Variants in FRY observed in about 807,000 individuals in gnomAD.
The protein encoded by FRY is protein furry homolog.
FRY carries 128 observed loss-of-function variants against 348.4 expected under a neutral mutation model. That is an observed-to-expected ratio of 0.37 (90% confidence interval 0.32 to 0.43). The LOEUF (loss-of-function observed/expected upper bound fraction) is 0.43, where lower values mean the gene tolerates loss of function less well. Among genes scored for constraint, FRY ranks in the 20% least tolerant of loss-of-function variants. The pLI is 1.00. For missense variants in FRY, 2,736 were observed against 3,695.2 expected, an observed-to-expected ratio of 0.74 and a Z score of 6.73; for synonymous variants, 1,370 against 1,374.7, an observed-to-expected ratio of 1.00 and a Z score of 0.08.
Position 32,254,368 on chromosome 13 carries a change from C to T in FRY, c.7390C>T (p.Leu2464=), listed in dbSNP as rs1887231980. The change falls in exon 51 of 61, where the codon CTA becomes TTA. Residue 2464 remains leucine, a synonymous_variant. Transcript: ENST00000542859. ...TAGAGTCTTCAGAGACTTCGACTTCCTAGATGTGGAGCTGGAGGATGGAGA... is the reference window on the plus strand; with the variant it reads ...TAGAGTCTTCAGAGACTTCGACTTCTTAGATGTGGAGCTGGAGGATGGAGA... The part of the protein sequence containing the change: ...QFRVFRDFDF[L]DVELEDGEGE... 3 of 1,613,884 alleles carry T rather than the reference C, an allele frequency of 1.9e-6. No homozygotes were observed. The highest frequency in any genetic ancestry group is 2.5e-6 in the Non-Finnish European group (3 of 1,179,938).
intron 1 of FRY, among the ~76,000 whole-genome samples, chr13:32,043,484 A>G (rs1176378194): frequency 1.3e-5 from 2 of 152,226 alleles, no homozygotes; most frequent in Non-Finnish European, 2.9e-5. Flanking sequence ...TTACCATGAC[A>G]CTGTTTTACA....
chr13:32,067,624 T>C (rs1874347077), intron 1 of FRY, among the ~76,000 whole-genome samples: 1 of 152,164 alleles, frequency 6.6e-6, no homozygotes, highest in Non-Finnish European at 1.5e-5. Context: ...ACAAATGATG[T>C]TTTCATACAT....
chr13:32,261,938 G>A (rs2138544971), intron 52 of FRY, 122 bp downstream of exon 52: 1 of 885,702 alleles, frequency 1.1e-6, no homozygotes, highest in Non-Finnish European at 1.8e-6. Context: ...AATCGGAACT[G>A]TCAGGTGGTG....
At chr13:32,262,556 T>C (rs1887712389) in intron 53 of FRY, 81 bp downstream of exon 53, 1 of 1,058,616 alleles carries the variant, frequency 9.4e-7, no homozygotes, top group Non-Finnish European at 1.5e-6. Context: ...TGAGAATTCT[T>C]AAGGGGTCTC....
chr13:32,283,479 G>C (rs1277433835), intron 58 of FRY, among the ~76,000 whole-genome samples: 1 of 152,160 alleles, frequency 6.6e-6, no homozygotes, highest in African/African-American at 2.4e-5. Context: ...TTTCCAAAAA[G>C]AAAACGGGAA....
chr13:32,245,354 C>T (rs1005795145), intron 47 of FRY, among the ~76,000 whole-genome samples: 3 of 151,874 alleles, frequency 2.0e-5, no homozygotes, highest in African/African-American at 7.3e-5. Flanking sequence ...CCTGTAATCC[C>T]AGCACTTTGG....
chr13:32,116,583 GTTTTATA>G (rs1282789459), intron 3 of FRY, among the ~76,000 whole-genome samples: 4 of 152,080 alleles, frequency 2.6e-5, no homozygotes. Context: ...TTTTCTTGGA[GTTTTATA>G]TTTTTAGGTT....
At chr13:32,258,050 T>G in intron 51 of FRY, 1 of 1,111,508 alleles carries the variant, frequency 9.0e-7, no homozygotes, top group South Asian at 1.2e-5. Flanking sequence ...ACATAATTGC[T>G]TTTTTCCTCC....
At chr13:32,090,228 G>A (rs888787174) in intron 2 of FRY, among the ~76,000 whole-genome samples, 1 of 151,410 alleles carries the variant, frequency 6.6e-6, no homozygotes, top group Admixed American at 6.6e-5. Flanking sequence ...GGCGCCTGTA[G>A]TCCCAGCTAC....
intron 7 of FRY, 146 bp from the exon 8 acceptor site, chr13:32,131,526 C>T: frequency 1.5e-6 from 1 of 659,184 alleles, no homozygotes. Context: ...TCCCAAACAC[C>T]AAATCCTTAC....
chr13:32,032,725 G>C (rs1872306065), intron 1 of FRY, among the ~76,000 whole-genome samples: 1 of 152,162 alleles, frequency 6.6e-6, no homozygotes, highest in African/African-American at 2.4e-5. Flanking sequence ...TGTTTAAAAA[G>C]AAAGTCTTCT....
intron 19 of FRY, among the ~76,000 whole-genome samples, chr13:32,174,891 C>A (rs986730223): frequency 2.0e-5 from 3 of 151,828 alleles, no homozygotes; most frequent in Admixed American, 6.6e-5. Flanking sequence ...ACATTCATTA[C>A]ATATATTTTG....
Position 32,131,730 on chromosome 13 carries a change from C to T in FRY, c.775C>T (p.Gln259Ter). 6.2e-7 allele frequency: 1 copy of T among 1,613,102 alleles called. No individual in the cohort carries two copies. Among genetic ancestry groups the T allele is most frequent in the Non-Finnish European group, 8.5e-7 (1 of 1,179,038 alleles). ...GCTAAAAGAATTACGGCACAAAGAGCAGAACCCATATGTGGTTCAAAGCAT... is the reference window on the plus strand; with the variant it reads ...GCTAAAAGAATTACGGCACAAAGAGTAGAACCCATATGTGGTTCAAAGCAT... ...AELKELRHKE[Q>*]NPYVVQSIIS... Residue 259 changes from glutamine (Q) to a stop codon, truncating the protein, a stop_gained, in exon 8 of 61, where the codon CAG (glutamine) becomes TAG (stop). Transcript: ENST00000542859. LOFTEE classifies it high-confidence loss of function.
At chr13:32,204,742 C>T (rs999802482) in intron 31 of FRY, among the ~76,000 whole-genome samples, 8 of 152,136 alleles carry the variant, frequency 5.3e-5, no homozygotes, top group African/African-American at 1.9e-4. Context: ...CCAATAAAAG[C>T]CTTTTTAGTA....
chr13:32,069,027 C>T (rs1313276045), intron 1 of FRY, among the ~76,000 whole-genome samples: 1 of 151,174 alleles, frequency 6.6e-6, no homozygotes, highest in Non-Finnish European at 1.5e-5. Context: ...GCCCATTCTC[C>T]TGCCTCAGCC....
chr13:32,274,473 C>T (rs141620806), intron 55 of FRY, among the ~76,000 whole-genome samples: 2,150 of 151,336 alleles, frequency 0.014, 62 homozygotes, highest in African/African-American at 0.048. Flanking sequence ...TTTGGGAGGC[C>T]GAGGCGGGCG....
At chr13:32,126,089 T>C (rs183969788) in intron 7 of FRY, among the ~76,000 whole-genome samples, 1 of 152,240 alleles carries the variant, frequency 6.6e-6, no homozygotes, top group Non-Finnish European at 1.5e-5. Context: ...TCCATTGCAA[T>C]TGAGTAATGA....
chr13:32,083,105 A>G (rs369389), intron 2 of FRY, among the ~76,000 whole-genome samples: 93,703 of 151,864 alleles, frequency 0.62, 29,037 homozygotes, highest in Admixed American at 0.63. Flanking sequence ...GCTACATTGC[A>G]TATCTTTTTA....
In FRY at chr13:32,274,946, C is replaced by T. The variant is rs777736995; in HGVS notation, c.8241C>T (p.Leu2747=). Residue 2747 remains leucine (L), a synonymous_variant, in exon 56 of 61, where the codon CTC becomes CTT. Transcript: ENST00000542859. The part of the protein sequence containing the change: ...GSKFVSSSQM[L]TSCSECPTLF... The stretch of plus-strand genomic sequence containing the variant: ...AATTTGTCAGCTCTTCCCAGATGCT[C>T]ACCTCCTGCTCTGAATGTCCTACAC... 5 of 1,613,468 alleles carry T rather than the reference C, an allele frequency of 3.1e-6. No individual in the cohort carries two copies. The highest frequency in any genetic ancestry group is 2.2e-5 in the East Asian group (1 of 44,874).
Sources: allele counts gnomAD v4.1 joint callset (sites outside exome capture counted in the v4.1 genomes callset), GRCh38; gene constraint gnomAD v4.1.1; transcripts MANE v1.5; gene names NCBI Gene and HGNC (gene_info 2026-07-23, HGNC 2026-07-21).